GRM5: variants seen among roughly 807,000 people sequenced by gnomAD.
GRM5 encodes metabotropic glutamate receptor 5.
A neutral mutation model predicts 83.1 loss-of-function variants in GRM5; 19 were observed. The ratio of observed to expected loss-of-function variants is 0.23; its 90% confidence interval spans 0.16 to 0.34. The LOEUF (loss-of-function observed/expected upper bound fraction) is 0.34, where lower values mean the gene tolerates loss of function less well. GRM5 is among the 10% of genes least tolerant of loss of function. GRM5 has a pLI of 1.00. For missense variants in GRM5, 1,160 were observed against 1,588.3 expected (o/e 0.73, Z 4.58); for synonymous variants, 675 against 633.6 (o/e 1.07, Z -0.98).
At chr11:88,561,405 G>C (rs1275058831) in intron 8 of GRM5, among the ~76,000 whole-genome samples, 5 of 152,158 alleles carry the variant, frequency 3.3e-5, no homozygotes, top group Non-Finnish European at 7.4e-5. Flanking sequence ...GGAGGGTTTT[G>C]ACTTCTGAGA....
At chr11:88,908,069 T>C (rs1280151171) in intron 2 of GRM5, among the ~76,000 whole-genome samples, 1 of 152,232 alleles carries the variant, frequency 6.6e-6, no homozygotes, top group African/African-American at 2.4e-5. Context: ...CCCTAAAATA[T>C]TGACTATGGT....
chr11:88,962,245 A>G (rs1565310971), intron 2 of GRM5, among the ~76,000 whole-genome samples: 1 of 152,142 alleles, frequency 6.6e-6, no homozygotes, highest in Non-Finnish European at 1.5e-5. Flanking sequence ...TTTATCCATC[A>G]GTTTAATAAT....
At chr11:88,510,145 T>A in intron 9 of GRM5, among the ~76,000 whole-genome samples, 1 of 152,250 alleles carries the variant, frequency 6.6e-6, no homozygotes, top group East Asian at 1.9e-4. Context: ...AACACACATT[T>A]CTAATGAGAG....
At chr11:88,767,791 A>G in intron 3 of GRM5, among the ~76,000 whole-genome samples, 1 of 151,914 alleles carries the variant, frequency 6.6e-6, no homozygotes, top group East Asian at 1.9e-4. Context: ...CAGTTTACCT[A>G]TATTAACAAA....
At chr11:88,824,776 C>T (rs576384824) in intron 3 of GRM5, among the ~76,000 whole-genome samples, 8 of 152,072 alleles carry the variant, frequency 5.3e-5, no homozygotes, top group African/African-American at 1.2e-4. Flanking sequence ...CTTGGCCTGG[C>T]GGTTGGGGAC....
intron 2 of GRM5, among the ~76,000 whole-genome samples, chr11:88,866,773 T>G (rs1944673560): frequency 6.6e-6 from 1 of 152,162 alleles, no homozygotes; most frequent in Admixed American, 6.6e-5. Flanking sequence ...AGTCATGAAG[T>G]CTTTGCCCAT....
Position 88,593,263 on chromosome 11 carries a change from T to C in GRM5, c.1564-2536A>G, listed in dbSNP as rs915311461. 4.6e-5 allele frequency among the ~76,000 whole-genome samples: 7 copies of C among 152,338 alleles called. 1 individual carries two copies. The highest frequency in any genetic ancestry group is 3.4e-3 in the Middle Eastern group (1 of 294). On this transcript the variant is annotated intron_variant, in intron 6 of 9. Coordinates refer to ENST00000305447, the MANE Select transcript of GRM5 (RefSeq NM_001143831.3). ...GAATGAAATCGCTGTTAAACCATAT[T>C]AAGAAAATCTTCTAAATTGTACATT...
intron 2 of GRM5, among the ~76,000 whole-genome samples, chr11:88,894,044 G>A (rs2135588368): frequency 1.3e-5 from 2 of 152,070 alleles, no homozygotes; most frequent in Non-Finnish European, 2.9e-5. Flanking sequence ...ATCGGTGAAT[G>A]CTGGCAGAAA....
intron 3 of GRM5, among the ~76,000 whole-genome samples, chr11:88,835,339 T>A (rs777059667): frequency 1.3e-5 from 2 of 152,144 alleles, no homozygotes; most frequent in Non-Finnish European, 2.9e-5. Flanking sequence ...TGAGATAGAA[T>A]AGGTGAAGAT....
chr11:88,910,079 C>T (rs533327452), intron 2 of GRM5, among the ~76,000 whole-genome samples: 2 of 152,186 alleles, frequency 1.3e-5, no homozygotes, highest in African/African-American at 4.8e-5. Context: ...TCCCCAGTTC[C>T]CACTTCCCCA....
At chr11:89,064,880 CTCTCTCTCTGTG>C (rs1274679709) in intron 1 of GRM5, among the ~76,000 whole-genome samples, 1 of 59,502 alleles carries the variant, frequency 1.7e-5, no homozygotes, top group African/African-American at 6.2e-5. Context: ...CTCTCTCTCT[CTCTCTCTCTGTG>C]TGTGTGTGTG....
chr11:88,741,306 T>C (rs1007821362), intron 3 of GRM5, among the ~76,000 whole-genome samples: 2 of 152,006 alleles, frequency 1.3e-5, no homozygotes, highest in Non-Finnish European at 2.9e-5. Flanking sequence ...GAGAATGAAA[T>C]ATTGCAACTT....
intron 3 of GRM5, among the ~76,000 whole-genome samples, chr11:88,702,062 G>A (rs1475027424): frequency 6.6e-6 from 1 of 152,054 alleles, no homozygotes; most frequent in East Asian, 1.9e-4. Flanking sequence ...TATTATGGTA[G>A]GGAATTCAGT....
intron 3 of GRM5, among the ~76,000 whole-genome samples, chr11:88,659,778 C>T (rs1499042): frequency 0.89 from 135,104 of 152,218 alleles, 60,862 homozygotes; most frequent in Non-Finnish European, 0.98. Context: ...TAGACAATTA[C>T]GAAGATAAAA....
At chr11:88,775,872 T>C (rs1292670119) in intron 3 of GRM5, among the ~76,000 whole-genome samples, 1 of 150,952 alleles carries the variant, frequency 6.6e-6, no homozygotes, top group Non-Finnish European at 1.5e-5. Context: ...ATGTGGTCAA[T>C]CTTAGAATAA....
intron 2 of GRM5, among the ~76,000 whole-genome samples, chr11:88,946,888 A>G: frequency 6.6e-6 from 1 of 152,106 alleles, no homozygotes; most frequent in Non-Finnish European, 1.5e-5. Flanking sequence ...ACAGAACACC[A>G]GTCAATGAAA....
chr11:88,743,020 A>T (rs1942060253), intron 3 of GRM5, among the ~76,000 whole-genome samples: 1 of 152,122 alleles, frequency 6.6e-6, no homozygotes, highest in Non-Finnish European at 1.5e-5. Flanking sequence ...AACTTCTGAA[A>T]AGATGCATTT....
At chr11:88,525,246 C>T (rs1941839293) in intron 9 of GRM5, 63 bp downstream of exon 9, 2 of 941,020 alleles carry the variant, frequency 2.1e-6, no homozygotes, top group African/African-American at 1.6e-5. Flanking sequence ...CAGGGAGCCA[C>T]ATGTTCCTCT....
chr11:88,633,476 A>G (rs140203041), intron 4 of GRM5, among the ~76,000 whole-genome samples: 432 of 152,228 alleles, frequency 2.8e-3, no homozygotes, highest in Non-Finnish European at 4.9e-3. Context: ...GATATTTTAT[A>G]GTTTTAGGTT....
Sources: allele counts gnomAD v4.1 joint callset (sites outside exome capture counted in the v4.1 genomes callset), GRCh38; gene constraint gnomAD v4.1.1; transcripts MANE v1.5; gene names NCBI Gene and HGNC (gene_info 2026-07-23, HGNC 2026-07-21).